Variants in CXCL13 observed in about 807,000 individuals in gnomAD.
CXCL13 encodes C-X-C motif chemokine 13.
A neutral mutation model predicts 12.2 loss-of-function variants in CXCL13; 7 were observed. The observed-to-expected ratio is 0.57, with a 90% CI of 0.33 to 1.07. CXCL13 has a LOEUF of 1.07. Among genes scored for constraint, CXCL13 ranks in the 50% least tolerant of loss-of-function variants. The pLI is 0.04. For missense variants in CXCL13, 113 were observed against 127.4 expected (o/e 0.89, Z 0.55); for synonymous variants, 47 against 42.4 (o/e 1.11, Z -0.42).
At chr4:77,583,194 G>T (rs1409664918) in intron 1 of CXCL13, among the ~76,000 whole-genome samples, 1 of 152,214 alleles carries the variant, frequency 6.6e-6, no homozygotes, top group Non-Finnish European at 1.5e-5. Context: ...CCCTGGGCTA[G>T]AAATTGCTCT....
chr4:77,567,328 A>G (rs1162483292), intron 1 of CXCL13, among the ~76,000 whole-genome samples: 1 of 152,222 alleles, frequency 6.6e-6, no homozygotes, highest in African/African-American at 2.4e-5. Context: ...TACTGCTCAC[A>G]CAATGCCTAT....
chr4:77,557,557 C>T (rs1725688759), intron 1 of CXCL13, among the ~76,000 whole-genome samples: 1 of 152,242 alleles, frequency 6.6e-6, no homozygotes, highest in African/African-American at 2.4e-5. Flanking sequence ...ATCAGCTCCA[C>T]AATTCTCTGC....
At chr4:77,547,609 T>G (rs1725400861) in intron 1 of CXCL13, among the ~76,000 whole-genome samples, 1 of 152,160 alleles carries the variant, frequency 6.6e-6, no homozygotes, top group Non-Finnish European at 1.5e-5. Flanking sequence ...CATCCCTTTA[T>G]TTTGAGCTTA....
chr4:77,557,977 AG>A (rs1166238904), intron 1 of CXCL13, among the ~76,000 whole-genome samples: 9 of 152,206 alleles, frequency 5.9e-5, no homozygotes, highest in Non-Finnish European at 1.3e-4. Flanking sequence ...GAGCCATCTT[AG>A]GGGTGTGTTT....
At chr4:77,520,929 C>T (rs753333635) in intron 1 of CXCL13, among the ~76,000 whole-genome samples, 20 of 152,060 alleles carry the variant, frequency 1.3e-4, no homozygotes, top group Admixed American at 1.1e-3. Flanking sequence ...AGAAAAAGTG[C>T]TGTCGAATTT....
At chr4:77,553,956 G>A (rs1725595914) in intron 1 of CXCL13, among the ~76,000 whole-genome samples, 1 of 152,072 alleles carries the variant, frequency 6.6e-6, no homozygotes, top group Non-Finnish European at 1.5e-5. Flanking sequence ...GATGCCACAT[G>A]GAAGAGGAAT....
At chr4:77,545,792 G>A (rs1174765592) in intron 1 of CXCL13, among the ~76,000 whole-genome samples, 2 of 152,314 alleles carry the variant, frequency 1.3e-5, no homozygotes, top group South Asian at 2.1e-4. Context: ...ATGTTGAATA[G>A]GAGTGGTGAG....
intron 1 of CXCL13, among the ~76,000 whole-genome samples, chr4:77,554,176 A>G (rs1402739221): frequency 2.0e-5 from 3 of 152,126 alleles, no homozygotes; most frequent in East Asian, 1.9e-4. Context: ...TCCCTCATCA[A>G]TTGTGTGCTC....
chr4:77,574,598 A>T (rs1306556014), intron 1 of CXCL13, among the ~76,000 whole-genome samples: 1 of 151,942 alleles, frequency 6.6e-6, no homozygotes. Flanking sequence ...TTAAATTTTT[A>T]AAAAGGTGCT....
At chr4:77,524,677 G>A (rs377557711) in intron 1 of CXCL13, among the ~76,000 whole-genome samples, 43 of 152,244 alleles carry the variant, frequency 2.8e-4, no homozygotes, top group Middle Eastern at 3.4e-3. Context: ...TGCACTTCCC[G>A]GGTGAGGCTA....
At chr4:77,580,866 TCTC>T (rs1726317245) in intron 1 of CXCL13, among the ~76,000 whole-genome samples, 1 of 147,570 alleles carries the variant, frequency 6.8e-6, no homozygotes, top group Admixed American at 6.8e-5. Context: ...CCTCTCCTCT[TCTC>T]CTGTGATGAG....
chr4:77,527,070 TA>T (rs1315364335), intron 1 of CXCL13, among the ~76,000 whole-genome samples: 1 of 152,158 alleles, frequency 6.6e-6, no homozygotes, highest in Non-Finnish European at 1.5e-5. Context: ...ATGCTCATAT[TA>T]AACATTTCAA....
intron 1 of CXCL13, among the ~76,000 whole-genome samples, chr4:77,542,095 C>T (rs1271752726): frequency 2.0e-5 from 3 of 151,974 alleles, no homozygotes; most frequent in African/African-American, 7.2e-5. Context: ...TTTATCAGCT[C>T]CAGGAGCCTT....
chr4:77,553,653 A>G (rs978433991), intron 1 of CXCL13, among the ~76,000 whole-genome samples: 16 of 151,486 alleles, frequency 1.1e-4, no homozygotes, highest in African/African-American at 3.6e-4. Flanking sequence ...CTGTTTGCCC[A>G]CCCCTTCTCC....
chr4:77,573,181 CT>C (rs1317950348), intron 1 of CXCL13, among the ~76,000 whole-genome samples: 3 of 151,746 alleles, frequency 2.0e-5, no homozygotes, highest in African/African-American at 7.3e-5. Context: ...CAGCAAACCC[CT>C]ATGACACAAG....
chr4:77,599,589 C>T (rs1397083585), intron 1 of CXCL13, among the ~76,000 whole-genome samples: 2 of 152,022 alleles, frequency 1.3e-5, no homozygotes, highest in Non-Finnish European at 2.9e-5. Flanking sequence ...AACTTCAGGC[C>T]CCTAGTGGTG....
At chr4:77,586,050 GCA>G (rs1035796540) in intron 1 of CXCL13, among the ~76,000 whole-genome samples, 2 of 152,126 alleles carry the variant, frequency 1.3e-5, no homozygotes, top group Non-Finnish European at 2.9e-5. Flanking sequence ...TATAAACAAT[GCA>G]ACATAATTGT....
intron 1 of CXCL13, among the ~76,000 whole-genome samples, chr4:77,568,890 T>C (rs1008014797): frequency 6.6e-6 from 1 of 152,214 alleles, no homozygotes; most frequent in South Asian, 2.1e-4. Context: ...TATTTTCTTT[T>C]CTTATTGTCT....
chr4:77,611,160 C>A lies in CXCL13; in HGVS notation c.*121C>A. 2.4e-6 allele frequency: 2 copies of A among 840,808 alleles called. No homozygotes were observed. Among genetic ancestry groups the A allele is most frequent in the Non-Finnish European group, 3.8e-6 (2 of 533,208 alleles). 52.1% of individuals were successfully genotyped at this position (840,808 alleles called of 1,614,324 possible). ...CTTCCCCATACAAATAAGCATGAGACTATGTAAAAATAACCTTGCAGAAGC... is the reference window on the plus strand; with the variant it reads ...CTTCCCCATACAAATAAGCATGAGAATATGTAAAAATAACCTTGCAGAAGC... On this transcript the variant is annotated 3_prime_UTR_variant, in exon 4 of 4. Transcript: ENST00000682537.
Sources: allele counts gnomAD v4.1 joint callset (sites outside exome capture counted in the v4.1 genomes callset), GRCh38; gene constraint gnomAD v4.1.1; transcripts MANE v1.5; gene names NCBI Gene and HGNC (gene_info 2026-07-23, HGNC 2026-07-21).